The following SNTG2 variants were observed in gnomAD, a reference collection of about 807,000 sequenced individuals.
SNTG2 encodes gamma-2-syntrophin.
A neutral mutation model predicts 70.9 loss-of-function variants in SNTG2; 74 were observed. That is an observed-to-expected ratio of 1.04 (90% CI 0.86 to 1.27). The LOEUF (loss-of-function observed/expected upper bound fraction) is 1.27. Ranked by LOEUF, SNTG2 falls within the 50% of genes most tolerant of loss-of-function variation. SNTG2 has a pLI of 0.00. For synonymous variants in SNTG2, 278 were observed against 273.8 expected (o/e 1.02, Z -0.15); for missense variants, 717 against 690.7 (o/e 1.04, Z -0.43).
chr2:1,080,148 A>T (rs1442887150), intron 1 of SNTG2, among the ~76,000 whole-genome samples: 2 of 150,492 alleles, frequency 1.3e-5, no homozygotes, highest in African/African-American at 5.0e-5. Flanking sequence ...GCGATGGCTT[A>T]GTGAAAGTCT....
intron 6 of SNTG2, among the ~76,000 whole-genome samples, chr2:1,148,260 C>T (rs1669227480): frequency 6.6e-6 from 1 of 152,230 alleles, no homozygotes; most frequent in Non-Finnish European, 1.5e-5. Context: ...CCTGGTTGGT[C>T]CCACTCCTTA....
At chr2:1,170,573 G>A (rs994307336) in intron 7 of SNTG2, among the ~76,000 whole-genome samples, 5 of 152,032 alleles carry the variant, frequency 3.3e-5, no homozygotes, top group East Asian at 3.9e-4. Context: ...ATGGAATCCC[G>A]CACAAAGATG....
chr2:1,337,070 G>T (rs538947572), intron 16 of SNTG2, among the ~76,000 whole-genome samples: 1 of 152,064 alleles, frequency 6.6e-6, no homozygotes, highest in South Asian at 2.1e-4. Flanking sequence ...TTTTTAGGTT[G>T]AATAATATTC....
intron 11 of SNTG2, 76 bp from the exon 12 acceptor site, chr2:1,247,251 G>A: frequency 1.2e-6 from 1 of 859,568 alleles, no homozygotes; most frequent in East Asian, 2.6e-5. Context: ...ATCATGGCTT[G>A]CTCATGTGCT....
At chr2:1,025,599 G>A (rs547635273) in intron 1 of SNTG2, among the ~76,000 whole-genome samples, 9 of 152,208 alleles carry the variant, frequency 5.9e-5, no homozygotes, top group Non-Finnish European at 7.4e-5. Context: ...CTGCCTGTGC[G>A]CCTTGGCTCC....
At chr2:1,155,218 A>G (rs1382015737) in intron 6 of SNTG2, among the ~76,000 whole-genome samples, 1 of 148,332 alleles carries the variant, frequency 6.7e-6, no homozygotes, top group Admixed American at 6.6e-5. Flanking sequence ...CACCACACAC[A>G]TAAACACCAT....
intron 14 of SNTG2, among the ~76,000 whole-genome samples, chr2:1,282,813 A>C (rs1287829113): frequency 7.1e-6 from 1 of 140,638 alleles, no homozygotes; most frequent in African/African-American, 2.6e-5. Context: ...CGTGGCTTTG[A>C]CTGATACGAT....
intron 8 of SNTG2, among the ~76,000 whole-genome samples, chr2:1,189,566 T>G (rs1672451629): frequency 6.7e-6 from 1 of 149,916 alleles, no homozygotes; most frequent in African/African-American, 2.4e-5. Context: ...GACTCTAACT[T>G]TTTTTTTTTT....
At chr2:1,105,613 T>G (rs1666067838) in intron 4 of SNTG2, among the ~76,000 whole-genome samples, 1 of 152,214 alleles carries the variant, frequency 6.6e-6, no homozygotes, top group South Asian at 2.1e-4. Context: ...ATAGATTTTA[T>G]GAGGATTGGA....
At chr2:1,106,421 C>G (rs571828176) in intron 4 of SNTG2, among the ~76,000 whole-genome samples, 1 of 101,774 alleles carries the variant, frequency 9.8e-6, no homozygotes, top group Non-Finnish European at 2.1e-5. Flanking sequence ...GTGGAGAGCT[C>G]CTTGATAATA....
chr2:1,189,601 C>G (rs1311729170), intron 8 of SNTG2, among the ~76,000 whole-genome samples: 1 of 151,840 alleles, frequency 6.6e-6, no homozygotes, highest in Non-Finnish European at 1.5e-5. Context: ...CTCTGTTGCC[C>G]AGGCTGGAGT....
At chr2:1,115,818 G>T (rs961699928) in intron 4 of SNTG2, among the ~76,000 whole-genome samples, 5 of 152,218 alleles carry the variant, frequency 3.3e-5, no homozygotes, top group Admixed American at 6.5e-5. Context: ...AGTCTCCCTT[G>T]TGCAGGGACA....
chr2:1,020,832 T>C (rs1660125426), intron 1 of SNTG2, among the ~76,000 whole-genome samples: 1 of 152,170 alleles, frequency 6.6e-6, no homozygotes, highest in Non-Finnish European at 1.5e-5. Context: ...CATATGTATA[T>C]ATATATTTTT....
chr2:1,234,647 A>T (rs1676486042), intron 9 of SNTG2, among the ~76,000 whole-genome samples: 1 of 152,152 alleles, frequency 6.6e-6, no homozygotes, highest in Non-Finnish European at 1.5e-5. Flanking sequence ...TTATTGCAGG[A>T]CACAGCCGTC....
intron 1 of SNTG2, among the ~76,000 whole-genome samples, chr2:953,779 T>A (rs1660056747): frequency 6.6e-6 from 1 of 152,216 alleles, no homozygotes. Context: ...TTGTTTTTGT[T>A]TTTTTCCAAC....
intron 13 of SNTG2, among the ~76,000 whole-genome samples, chr2:1,261,572 G>A (rs759352067): frequency 3.3e-4 from 50 of 152,096 alleles, no homozygotes; most frequent in Non-Finnish European, 5.6e-4. Flanking sequence ...AACAGCTTTC[G>A]TGCAGCATGG....
At chr2:1,062,997 A>G (rs1204641625) in intron 1 of SNTG2, among the ~76,000 whole-genome samples, 2 of 152,186 alleles carry the variant, frequency 1.3e-5, no homozygotes, top group African/African-American at 2.4e-5. Context: ...ACAAATAGAC[A>G]TTTCTACTGT....
At chr2:1,245,727 G>GCT (rs1336627975) in intron 11 of SNTG2, among the ~76,000 whole-genome samples, 1 of 152,192 alleles carries the variant, frequency 6.6e-6, no homozygotes. Flanking sequence ...AATCTATTAG[G>GCT]TATTTTAAAA....
intron 4 of SNTG2, among the ~76,000 whole-genome samples, chr2:1,110,306 G>A (rs1354358968): frequency 6.6e-6 from 1 of 152,122 alleles, no homozygotes; most frequent in African/African-American, 2.4e-5. Flanking sequence ...ACCATGACAT[G>A]GGCCTCCACC....
Sources: allele counts gnomAD v4.1 joint callset (sites outside exome capture counted in the v4.1 genomes callset), GRCh38; gene constraint gnomAD v4.1.1; transcripts MANE v1.5; gene names NCBI Gene and HGNC (gene_info 2026-07-23, HGNC 2026-07-21).